Variants in PPP1R1C observed in about 807,000 individuals in gnomAD.
PPP1R1C encodes the protein protein phosphatase 1 regulatory inhibitor subunit 1C, also known as protein phosphatase 1 regulatory subunit 1C.
A neutral mutation model predicts 17.4 loss-of-function variants in PPP1R1C; 15 were observed. The ratio of observed to expected loss-of-function variants is 0.86; its 90% confidence interval spans 0.58 to 1.33. The LOEUF (loss-of-function observed/expected upper bound fraction) is 1.33, where lower values mean the gene tolerates loss of function less well. Among genes scored for constraint, PPP1R1C ranks in the 40% most tolerant of loss-of-function variants. The pLI, the probability that PPP1R1C is intolerant of heterozygous loss-of-function variation, is 0.00. For missense variants in PPP1R1C, 143 were observed against 130.0 expected (o/e 1.10, Z -0.48); for synonymous variants, 35 against 43.1 (o/e 0.81, Z 0.73).
intron 1 of PPP1R1C, among the ~76,000 whole-genome samples, chr2:181,963,968 AATT>A (rs1684856314): frequency 6.6e-6 from 1 of 152,182 alleles, no homozygotes; most frequent in South Asian, 2.1e-4. Context: ...GAAACAATTC[AATT>A]ATAACTTTTA....
chr2:182,102,114 AATATTT>A (rs1195094615), intron 4 of PPP1R1C, among the ~76,000 whole-genome samples: 1 of 152,218 alleles, frequency 6.6e-6, no homozygotes, highest in Non-Finnish European at 1.5e-5. Flanking sequence ...AATTAACTAT[AATATTT>A]ATAAAAAATC....
At chr2:182,033,496 T>A (rs1487137063) in intron 2 of PPP1R1C, among the ~76,000 whole-genome samples, 1 of 152,222 alleles carries the variant, frequency 6.6e-6, no homozygotes, top group African/African-American at 2.4e-5. Flanking sequence ...CCAAACTTGC[T>A]CCTTGTTATG....
intron 2 of PPP1R1C, among the ~76,000 whole-genome samples, chr2:182,027,325 T>C (rs1428940973): frequency 2.4e-4 from 35 of 144,208 alleles, no homozygotes; most frequent in African/African-American, 6.7e-4. Context: ...TTTGCCCATT[T>C]AGTATGATAT....
chr2:182,031,243 A>G (rs967528804), intron 2 of PPP1R1C, among the ~76,000 whole-genome samples: 2 of 152,060 alleles, frequency 1.3e-5, no homozygotes, highest in Non-Finnish European at 2.9e-5. Context: ...CTCCCCCTAT[A>G]TTCTTCTATA....
At chr2:181,975,174 C>T (rs1685074283) in intron 1 of PPP1R1C, 1 of 148,488 alleles carries the variant, frequency 6.7e-6, no homozygotes, top group Non-Finnish European at 1.5e-5. Flanking sequence ...GATAGTACAT[C>T]AGCCTGGTAG....
chr2:182,035,378 A>G (rs1686972902), intron 2 of PPP1R1C, among the ~76,000 whole-genome samples: 1 of 152,228 alleles, frequency 6.6e-6, no homozygotes, highest in Non-Finnish European at 1.5e-5. Context: ...AGCCTCTAAC[A>G]AATCATGTAA....
chr2:182,018,077 G>C (rs1330107557), intron 2 of PPP1R1C, among the ~76,000 whole-genome samples: 1 of 151,462 alleles, frequency 6.6e-6, no homozygotes, highest in Non-Finnish European at 1.5e-5. Flanking sequence ...TTTTATATTT[G>C]TAATCCTGTC....
intron 4 of PPP1R1C, among the ~76,000 whole-genome samples, chr2:182,112,997 A>G (rs543789755): frequency 6.6e-6 from 1 of 152,334 alleles, no homozygotes; most frequent in South Asian, 2.1e-4. Flanking sequence ...TACTCAAAAC[A>G]GAGCTAATTT....
chr2:182,044,728 G>A (rs1031860775), intron 2 of PPP1R1C, among the ~76,000 whole-genome samples: 1 of 152,230 alleles, frequency 6.6e-6, no homozygotes, highest in East Asian at 1.9e-4. Context: ...TGGGAACTTA[G>A]TTCCTAAAAG....
intron 2 of PPP1R1C, among the ~76,000 whole-genome samples, chr2:181,997,534 TTTTA>T (rs1286282247): frequency 6.6e-6 from 1 of 152,232 alleles, no homozygotes; most frequent in Non-Finnish European, 1.5e-5. Flanking sequence ...AATTGTATTA[TTTTA>T]AAATCCAACC....
chr2:181,979,496 A>T (rs1031041215), intron 2 of PPP1R1C, among the ~76,000 whole-genome samples: 1 of 152,186 alleles, frequency 6.6e-6, no homozygotes, highest in Non-Finnish European at 1.5e-5. Flanking sequence ...ATCATTCTTT[A>T]AAAAACCTAA....
At chr2:182,015,224 T>TG (rs1686224393) in intron 2 of PPP1R1C, among the ~76,000 whole-genome samples, 1 of 152,264 alleles carries the variant, frequency 6.6e-6, no homozygotes, top group Non-Finnish European at 1.5e-5. Flanking sequence ...AATTGAATCA[T>TG]GGGGGCAGTT....
At chr2:182,015,527 A>G (rs555488035) in intron 2 of PPP1R1C, among the ~76,000 whole-genome samples, 24 of 152,280 alleles carry the variant, frequency 1.6e-4, no homozygotes, top group African/African-American at 5.8e-4. Flanking sequence ...TCACATCTAA[A>G]GCTGACACAG....
At chr2:182,085,706 A>G (rs1688608064) in intron 4 of PPP1R1C, among the ~76,000 whole-genome samples, 1 of 152,160 alleles carries the variant, frequency 6.6e-6, no homozygotes, top group East Asian at 1.9e-4. Flanking sequence ...AACAGAATCT[A>G]TTCTAGTTAT....
intron 2 of PPP1R1C, among the ~76,000 whole-genome samples, chr2:182,016,361 C>A (rs1232144909): frequency 1.3e-5 from 2 of 152,102 alleles, no homozygotes; most frequent in African/African-American, 2.4e-5. Flanking sequence ...ATTTTTGGTT[C>A]TTTCTTATGA....
At chr2:182,107,795 AG>A (rs1559096045) in intron 4 of PPP1R1C, among the ~76,000 whole-genome samples, 3 of 152,054 alleles carry the variant, frequency 2.0e-5, no homozygotes, top group Non-Finnish European at 4.4e-5. Flanking sequence ...TTCTACTTTG[AG>A]AAAACCAAAG....
intron 2 of PPP1R1C, among the ~76,000 whole-genome samples, chr2:182,009,940 G>T (rs1445377479): frequency 6.6e-6 from 1 of 151,962 alleles, no homozygotes. Context: ...CTGTAGGTGT[G>T]TGGATTTGTT....
Position 181,962,404 on chromosome 2 carries a change from G to T in PPP1R1C, n.111+7770G>T. 1.4e-6 allele frequency: 1 copy of T among 726,242 alleles called. No individual in the cohort carries two copies. The highest frequency in any genetic ancestry group is 2.4e-6 in the Non-Finnish European group (1 of 410,470). 45.0% of individuals were successfully genotyped at this position (726,242 alleles called of 1,614,324 possible). ...TGGCCATGCAGCTGGCCGGCCGGGC[G>T]CCGTAGTTGGACACCTGGACAGAGC... On this transcript the variant is annotated intron_variant and non_coding_transcript_variant, in intron 1 of 5. Coordinates refer to the PPP1R1C transcript ENST00000464264. The surrounding 1 kb of genome is among the most constrained non-coding windows in gnomAD (Gnocchi z 6.0).
At chr2:182,123,046 C>A (rs1025799514) in intron 5 of PPP1R1C, among the ~76,000 whole-genome samples, 3 of 152,166 alleles carry the variant, frequency 2.0e-5, no homozygotes, top group African/African-American at 7.2e-5. Context: ...ATGCTCCCCT[C>A]CCTGTGCCCA....
Sources: allele counts gnomAD v4.1 joint callset (sites outside exome capture counted in the v4.1 genomes callset), GRCh38; gene constraint gnomAD v4.1.1; non-coding constraint Gnocchi (gnomAD v3.1); transcripts MANE v1.5; gene names NCBI Gene and HGNC (gene_info 2026-07-23, HGNC 2026-07-21).